VPS13D: variants seen among roughly 807,000 people sequenced by gnomAD.
The protein encoded by VPS13D is vacuolar protein sorting 13 homolog D.
Under a neutral mutation model 461.9 loss-of-function variants are expected in VPS13D, and 187 were observed. The ratio of observed to expected loss-of-function variants is 0.40; its 90% CI spans 0.36 to 0.46. The LOEUF is 0.46. VPS13D is among the 20% of genes least tolerant of loss of function. The pLI is 0.60. For synonymous variants in VPS13D, 1,951 were observed against 1,986.3 expected (o/e 0.98, Z 0.47); for missense variants, 4,711 against 5,364.9 (o/e 0.88, Z 3.81).
chr1:12,241,761 T>C (rs1338957674), intron 2 of VPS13D, among the ~76,000 whole-genome samples: 1 of 152,214 alleles, frequency 6.6e-6, no homozygotes, highest in Admixed American at 6.5e-5. Flanking sequence ...AAGAGTATAA[T>C]TCCTTTTGAA....
chr1:12,290,162 C>T (rs1335060738), intron 22 of VPS13D, among the ~76,000 whole-genome samples: 4 of 152,026 alleles, frequency 2.6e-5, no homozygotes, highest in Non-Finnish European at 4.4e-5. Context: ...TTCTTCTTTC[C>T]ACCTTCCAGA....
At chr1:12,230,571 C>T (rs1181929810) in intron 1 of VPS13D, among the ~76,000 whole-genome samples, 1 of 152,160 alleles carries the variant, frequency 6.6e-6, no homozygotes, top group Non-Finnish European at 1.5e-5. Flanking sequence ...GTGCGAGCCC[C>T]CCACATTACG....
At chr1:12,262,183 C>G in intron 13 of VPS13D, 103 bp downstream of exon 13, 1 of 1,289,880 alleles carries the variant, frequency 7.8e-7, no homozygotes, top group Non-Finnish European at 1.0e-6. Flanking sequence ...AAAGTCAGTG[C>G]GAAAACTGTA....
At chr1:12,414,673 C>T (rs1644772458) in intron 63 of VPS13D, among the ~76,000 whole-genome samples, 7 of 152,154 alleles carry the variant, frequency 4.6e-5, no homozygotes, top group Admixed American at 4.6e-4. Flanking sequence ...GGATAACAGT[C>T]TGCTTTCTGA....
intron 53 of VPS13D, 53 bp from the exon 54 acceptor site, chr1:12,369,414 A>T: frequency 6.5e-7 from 1 of 1,549,422 alleles, no homozygotes; most frequent in Non-Finnish European, 8.9e-7. Flanking sequence ...CTCACTTTTC[A>T]GTAACCCCAC....
intron 41 of VPS13D, 172 bp from the exon 42 acceptor site, chr1:12,342,727 C>T (rs1299174431): frequency 1.3e-5 from 8 of 599,668 alleles, no homozygotes; most frequent in South Asian, 9.3e-5. Flanking sequence ...TGATTCAGCA[C>T]GAAGATAGCT....
intron 52 of VPS13D, among the ~76,000 whole-genome samples, chr1:12,363,951 C>CAAAAA (rs70987247): frequency 2.2e-5 from 1 of 44,610 alleles, no homozygotes; most frequent in Non-Finnish European, 3.7e-5. Context: ...GACTCTATCT[C>CAAAAA]AAAAAAAAAA....
chr1:12,414,032 G>A (rs1055832145), intron 63 of VPS13D, among the ~76,000 whole-genome samples: 3 of 152,140 alleles, frequency 2.0e-5, no homozygotes, highest in Non-Finnish European at 4.4e-5. Context: ...AGCTGTAATC[G>A]CAGCACTTTG....
chr1:12,327,007 CTGATGTGTATCTG>C (rs1239585433), intron 35 of VPS13D, among the ~76,000 whole-genome samples: 1 of 152,174 alleles, frequency 6.6e-6, no homozygotes, highest in Non-Finnish European at 1.5e-5. Flanking sequence ...ATAATAGCAA[CTGATGTGTATCTG>C]TAATGTAGAT....
chr1:12,363,022 T>C (rs368019580), intron 51 of VPS13D, 50 bp from the exon 52 acceptor site: 226 of 1,603,630 alleles, frequency 1.4e-4, no homozygotes, highest in Non-Finnish European at 1.8e-4. Context: ...GTAACACTTA[T>C]TGTCATGAAT....
At position 12,277,783 on chromosome 1, in the gene VPS13D, G is replaced by T; in HGVS notation, c.4195G>T (p.Val1399Leu). Reference protein sequence around the residue: ...PRKPGSPELLVGHLGQIFIQN... With the variant: ...PRKPGSPELLLGHLGQIFIQN... Reference sequence around the variant, plus strand: ...GAAGCCGGGGAGTCCTGAGTTGTTGGTGGGACACTTGGGACAGATATTCAT... The same window carrying T: ...GAAGCCGGGGAGTCCTGAGTTGTTGTTGGGACACTTGGGACAGATATTCAT... The change falls in exon 19 of 70, where the codon GTG becomes TTG. Residue 1399 changes from valine (V) to leucine (L), a missense_variant. Physicochemically the swap from Val to Leu is conservative, Grantham distance 32. This residue lies in a region of VPS13D where 4,411 missense variants were observed against 4,937.8 expected (regional missense o/e 0.89). Coordinates refer to ENST00000620676, the MANE Select transcript of VPS13D (RefSeq NM_015378.4). 6.2e-7 allele frequency: 1 copy of T among 1,614,180 alleles called. No individual in the cohort carries two copies. The highest frequency in any genetic ancestry group is 8.5e-7 in the Non-Finnish European group (1 of 1,180,030).
intron 67 of VPS13D, among the ~76,000 whole-genome samples, chr1:12,479,051 T>G (rs550736832): frequency 4.1e-4 from 62 of 152,238 alleles, no homozygotes; most frequent in African/African-American, 1.4e-3. Context: ...AGCCCAGAGT[T>G]CTCACTGTCC....
At chr1:12,248,596 C>T (rs1640634697) in intron 5 of VPS13D, among the ~76,000 whole-genome samples, 2 of 152,208 alleles carry the variant, frequency 1.3e-5, no homozygotes, top group African/African-American at 4.8e-5. Context: ...ATTCCTGCCT[C>T]AGCTTCCCAG....
In VPS13D at chr1:12,340,210, G is replaced by A. The variant is rs575734762; in HGVS notation, c.8627-1570G>A. 2.3e-4 allele frequency among the ~76,000 whole-genome samples: 35 copies of A among 152,064 alleles called. No homozygotes were observed. The South Asian group carries it at 6.2e-3, about 27-fold the overall frequency. ...ATTTTTTTTTTTAAAGCAAACTTTG[G>A]GAGCTAAGTAAGGCCATTGGGGTGA... On this transcript the variant is annotated intron_variant, in intron 40 of 69. Transcript: ENST00000620676.
At chr1:12,238,210 AAAT>A (rs1001242646) in intron 2 of VPS13D, among the ~76,000 whole-genome samples, 2 of 142,866 alleles carry the variant, frequency 1.4e-5, no homozygotes, top group African/African-American at 5.1e-5. Flanking sequence ...TATATATATA[AAAT>A]AATCCCCAAA....
In VPS13D at chr1:12,358,443, C is replaced by G. The variant is rs753000133; in HGVS notation, c.9999-16C>G. Reference sequence around the variant, plus strand: ...TTGTGGATGAATATCTACATCTTTGCTTTTCTGCCCCACAGCTGCACGATG... The same window carrying G: ...TTGTGGATGAATATCTACATCTTTGGTTTTCTGCCCCACAGCTGCACGATG... On this transcript the variant is annotated splice_polypyrimidine_tract_variant and intron_variant, in intron 49 of 69. Transcript: ENST00000620676. 1.9e-6 allele frequency: 3 copies of G among 1,613,040 alleles called. No individual in the cohort carries two copies. The South Asian group carries it at 3.3e-5, about 18-fold the overall frequency.
At chr1:12,412,437 G>C (rs1019967985) in intron 63 of VPS13D, among the ~76,000 whole-genome samples, 10 of 152,230 alleles carry the variant, frequency 6.6e-5, no homozygotes, top group Non-Finnish European at 1.5e-4. Flanking sequence ...AATTAAGACA[G>C]TGTGGCATTA....
chr1:12,304,401 C>T, intron 25 of VPS13D, 105 bp from the exon 26 acceptor site: 1 of 1,044,596 alleles, frequency 9.6e-7, no homozygotes, highest in Non-Finnish European at 1.4e-6. Context: ...TTTGAAGACC[C>T]TAGGGACTGG....
Position 12,311,464 on chromosome 1 carries a change from C to A in VPS13D, c.6661C>A (p.His2221Asn). 1 of 1,606,896 alleles carries A rather than the reference C, an allele frequency of 6.2e-7. No individual in the cohort carries two copies. The highest frequency in any genetic ancestry group is 1.1e-5 in the South Asian group (1 of 89,338). The change falls in exon 28 of 70, where the codon CAT becomes AAT. Residue 2221 changes from histidine (H) to asparagine (N), a missense_variant. Around this residue, in one of 3 missense-constraint regions of VPS13D, gnomAD observed 4,411 missense variants for 4,937.8 expected, o/e 0.89. Coordinates refer to ENST00000620676, the MANE Select transcript of VPS13D (RefSeq NM_015378.4). The stretch of plus-strand genomic sequence containing the variant: ...TTTTCTTTTTCATAGAGAAATAAGT[C>A]ATACTGTGCCAGACATATCTATCCA... ...VERNLDKEIS[H>N]TVPDISIHGN...
Sources: allele counts gnomAD v4.1 joint callset (sites outside exome capture counted in the v4.1 genomes callset), GRCh38; gene constraint gnomAD v4.1.1; regional missense constraint gnomAD v4.1.1; transcripts MANE v1.5; gene names NCBI Gene and HGNC (gene_info 2026-07-23, HGNC 2026-07-21).